The following TG variants were observed in gnomAD, a reference collection of about 807,000 sequenced individuals.
TG encodes the protein thyroglobulin, also known as thyroid hormones.
A neutral mutation model predicts 324.7 loss-of-function variants in TG; 270 were observed. That is an observed-to-expected ratio of 0.83 (90% CI 0.75 to 0.92). The LOEUF is 0.92. TG is among the 40% of genes least tolerant of loss of function. The probability of loss-of-function intolerance (pLI) is 0.00; values close to 1 mark genes in which losing one functional copy is unlikely to be tolerated. For missense variants in TG, 3,591 were observed against 3,456.4 expected (o/e 1.04, Z -0.98); for synonymous variants, 1,401 against 1,327.0 (o/e 1.06, Z -1.21).
chr8:133,039,650 T>C (rs1271878473), intron 41 of TG, among the ~76,000 whole-genome samples: 6 of 152,188 alleles, frequency 3.9e-5, no homozygotes, highest in African/African-American at 1.2e-4. Context: ...TAATATTAAA[T>C]TTACACAGGA....
At chr8:132,951,634 T>C (rs537287954) in intron 27 of TG, among the ~76,000 whole-genome samples, 1 of 152,074 alleles carries the variant, frequency 6.6e-6, no homozygotes, top group Non-Finnish European at 1.5e-5. Context: ...GTGTGTATTG[T>C]GGGTGAGGGC....
chr8:132,934,542 C>T (rs539930934), intron 24 of TG, among the ~76,000 whole-genome samples: 6 of 152,258 alleles, frequency 3.9e-5, no homozygotes, highest in Admixed American at 2.6e-4. Flanking sequence ...TTCATAAACA[C>T]GTGCTCGTGC....
In TG at chr8:132,890,098, G is replaced by C. The variant is rs1021173398; in HGVS notation, c.2761+1530G>C. ...TACCTTAGTCTGAATGCTGGATAGA[G>C]TGTTAGAACTAGACTTAGAGTAATT... On this transcript the variant is annotated intron_variant, in intron 10 of 47. Transcript: ENST00000220616. 6.0e-5 allele frequency among the ~76,000 whole-genome samples: 9 copies of C among 150,558 alleles called. No homozygotes were observed. The Admixed American group carries it at 6.0e-4, about 10-fold the overall frequency.
intron 32 of TG, among the ~76,000 whole-genome samples, chr8:132,971,139 A>G (rs1359850065): frequency 6.6e-6 from 1 of 152,182 alleles, no homozygotes; most frequent in Non-Finnish European, 1.5e-5. Context: ...GTTTGGAGCC[A>G]TTAAGTCCCT....
chr8:133,127,915 C>T (rs148439946), intron 45 of TG, among the ~76,000 whole-genome samples: 83 of 152,208 alleles, frequency 5.5e-4, no homozygotes, highest in East Asian at 5.2e-3. Flanking sequence ...TGCCCTTCCT[C>T]GCCTCATCCA....
chr8:132,900,267 G>A lies in TG; in HGVS notation c.3361G>A (p.Gly1121Arg). ...AGAGTATGCCAGGCTGCAGGCATCGGGGGCTGGCACCTGGTGTGTGGACCC... is the reference window on the plus strand; with the variant it reads ...AGAGTATGCCAGGCTGCAGGCATCGAGGGCTGGCACCTGGTGTGTGGACCC... The part of the protein sequence containing the change: ...TGEYARLQAS[G>R]AGTWCVDPAS... The change falls in exon 15 of 48, where the codon GGG (glycine) becomes AGG (arginine). Residue 1121 changes from glycine (G) to arginine (R), a missense_variant. Coordinates refer to ENST00000220616, the MANE Select transcript of TG (RefSeq NM_003235.5). 5.0e-6 allele frequency: 8 copies of A among 1,614,058 alleles called. No homozygotes were observed. Among genetic ancestry groups the A allele is most frequent in the Non-Finnish European group, 6.8e-6 (8 of 1,179,996 alleles).
intron 45 of TG, among the ~76,000 whole-genome samples, chr8:133,123,903 G>A (rs1851331753): frequency 6.6e-6 from 1 of 152,250 alleles, no homozygotes; most frequent in African/African-American, 2.4e-5. Flanking sequence ...AAGTGTGTCA[G>A]GATTAAAGAA....
At chr8:133,056,347 G>A (rs1564128207) in intron 41 of TG, among the ~76,000 whole-genome samples, 1 of 152,188 alleles carries the variant, frequency 6.6e-6, no homozygotes, top group African/African-American at 2.4e-5. Flanking sequence ...TAGAAAAAAG[G>A]GATCTGGTCC....
In TG at chr8:132,899,997, A is replaced by C. The variant is rs853323; in HGVS notation, c.3331-240A>C. Among the ~76,000 whole-genome samples, 68,610 of 151,986 alleles carry C rather than the reference A, an allele frequency of 0.45. 15,579 individuals are homozygous for C. The highest frequency in any genetic ancestry group is 0.53 in the South Asian group (2,531 of 4,810). On this transcript the variant is annotated intron_variant, in intron 14 of 47. Transcript: ENST00000220616. ...CCCTCTCTGAGAGATCTTCAGTTTC[A>C]CCCACCCAAAAGCGGGAGAACTGTG...
chr8:132,950,606 T>C, intron 27 of TG, among the ~76,000 whole-genome samples: 1 of 152,206 alleles, frequency 6.6e-6, no homozygotes, highest in Non-Finnish European at 1.5e-5. Flanking sequence ...TGTTAGGCAG[T>C]GCAGTCAGCA....
intron 43 of TG, among the ~76,000 whole-genome samples, chr8:133,098,362 A>G (rs1248867038): frequency 1.3e-5 from 2 of 152,256 alleles, no homozygotes; most frequent in African/African-American, 4.8e-5. Context: ...AAAGCAAGAG[A>G]AAGAAATGGA....
chr8:132,930,107 C>CTT (rs1311900590), intron 23 of TG, among the ~76,000 whole-genome samples: 1 of 152,212 alleles, frequency 6.6e-6, no homozygotes, highest in Non-Finnish European at 1.5e-5. Flanking sequence ...AATTAACACT[C>CTT]TGAGTGTGAA....
At chr8:132,992,985 G>T (rs1353889543) in intron 35 of TG, among the ~76,000 whole-genome samples, 1 of 152,218 alleles carries the variant, frequency 6.6e-6, no homozygotes, top group African/African-American at 2.4e-5. Flanking sequence ...CCCAGCACCT[G>T]TGGGAGTCAG....
At chr8:132,887,640 C>A in intron 9 of TG, 92 bp downstream of exon 9, 2 of 1,534,078 alleles carry the variant, frequency 1.3e-6, no homozygotes, top group South Asian at 1.1e-5. Flanking sequence ...CCACTCCTGG[C>A]CAATGCTTAC....
chr8:133,060,104 C>T (rs755425807), intron 41 of TG: 43 of 1,595,164 alleles, frequency 2.7e-5, no homozygotes, highest in Admixed American at 5.6e-5. Context: ...ACTTACCCTC[C>T]GGGTTGGGCA....
chr8:132,944,369 T>C (rs766490999), intron 26 of TG, among the ~76,000 whole-genome samples: 8 of 152,214 alleles, frequency 5.3e-5, no homozygotes, highest in Non-Finnish European at 1.0e-4. Context: ...AGTCATCCTA[T>C]TCAACTTTAG....
chr8:132,872,824 G>A (rs1839621739), intron 4 of TG, among the ~76,000 whole-genome samples: 2 of 152,216 alleles, frequency 1.3e-5, no homozygotes, highest in South Asian at 4.2e-4. Flanking sequence ...ATAACATGCT[G>A]TATAGGTTTG....
rs146664774 is a variant in TG, at chr8:133,038,692, G to A, written c.7239+8669G>A. 2.3e-4 allele frequency: 372 copies of A among 1,614,058 alleles called. 1 individual carries two copies. The African/African-American group carries it at 4.2e-3, about 18-fold the overall frequency. On this transcript the variant is annotated intron_variant, in intron 41 of 47. Transcript: ENST00000220616. ...GAAGGCCATAGCTGAAAAGGGACTC[G>A]TCTACCCCAAGCGGGTTCTCTGTTC...
chr8:132,980,186 C>T (rs1830650373), intron 34 of TG, among the ~76,000 whole-genome samples: 1 of 151,962 alleles, frequency 6.6e-6, no homozygotes, highest in Admixed American at 6.6e-5. Context: ...TGGCTGGAGG[C>T]CCCTAGACAG....
Sources: allele counts gnomAD v4.1 joint callset (sites outside exome capture counted in the v4.1 genomes callset), GRCh38; gene constraint gnomAD v4.1.1; transcripts MANE v1.5; gene names NCBI Gene and HGNC (gene_info 2026-07-23, HGNC 2026-07-21).